Variants in CD70 observed in about 807,000 individuals in gnomAD.
CD70 encodes CD70 antigen.
Under a neutral mutation model 9.0 loss-of-function variants are expected in CD70, and 6 were observed. That is an observed-to-expected ratio of 0.67 (90% CI 0.37 to 1.32). The LOEUF (loss-of-function observed/expected upper bound fraction) is 1.32, where lower values mean the gene tolerates loss of function less well. Among genes scored for constraint, CD70 ranks in the 40% most tolerant of loss-of-function variants. The probability of loss-of-function intolerance (pLI) is 0.02; values close to 1 mark genes in which losing one functional copy is unlikely to be tolerated. For missense variants in CD70, 235 were observed against 258.7 expected (o/e 0.91, Z 0.63); for synonymous variants, 108 against 112.3 (o/e 0.96, Z 0.24).
rs1916138239 is a variant in CD70, at chr19:6,590,715, C to T, written c.162+126G>A. On this transcript the variant is annotated intron_variant, in intron 1 of 2. Transcript: ENST00000245903. This position sits in a 1 kb window ranked among gnomAD's most constrained non-coding sequence, Gnocchi z 5.3. ...GGCAGCCTGGTCCCCGCCTCGCCTCCCTGTTCTGGTCTCTGTCTCTGCCCT... is the reference window on the plus strand; with the variant it reads ...GGCAGCCTGGTCCCCGCCTCGCCTCTCTGTTCTGGTCTCTGTCTCTGCCCT... 1.1e-6 allele frequency: 1 copy of T among 880,340 alleles called. No homozygotes were observed. Among genetic ancestry groups the T allele is most frequent in the East Asian group, 2.6e-5 (1 of 38,274 alleles). 54.5% of individuals were successfully genotyped at this position (880,340 alleles called of 1,614,324 possible). A position where few individuals can be genotyped will look rare whatever the true frequency, so the allele number is the denominator to read the frequency against.
At chr19:6,589,822 GTTTC>G (rs966761951) in intron 2 of CD70, among the ~76,000 whole-genome samples, 10 of 117,480 alleles carry the variant, frequency 8.5e-5, no homozygotes, top group Non-Finnish European at 1.8e-5. Context: ...GTCTCTCCCT[GTTTC>G]TTTCTTTCCC....
At chr19:6,586,433 A>C in intron 2 of CD70, 28 bp from the exon 3 acceptor site, 1 of 1,572,138 alleles carries the variant, frequency 6.4e-7, no homozygotes, top group African/African-American at 1.4e-5. Flanking sequence ...GAGGGATGAG[A>C]GGATGGAGGT....
At chr19:6,589,716 CTCTA>C (rs1250251075) in intron 2 of CD70, among the ~76,000 whole-genome samples, 11 of 151,712 alleles carry the variant, frequency 7.3e-5, no homozygotes, top group East Asian at 2.0e-4. Context: ...TTCTCTCTTC[CTCTA>C]TCTGTCTTTT....
chr19:6,585,205 A>C (rs1915990523), downstream of CD70, among the ~76,000 whole-genome samples: 1 of 152,038 alleles, frequency 6.6e-6, no homozygotes, highest in Admixed American at 6.6e-5. Flanking sequence ...GCTGGTCTCG[A>C]ACTCCTGATT....
downstream of CD70, among the ~76,000 whole-genome samples, chr19:6,583,020 G>T (rs889924256): frequency 1.3e-5 from 2 of 152,134 alleles, no homozygotes; most frequent in Admixed American, 6.6e-5. Flanking sequence ...TCCAGGTAAG[G>T]TTGGAGAGGG....
downstream of CD70, among the ~76,000 whole-genome samples, chr19:6,581,708 T>C (rs1915921052): frequency 1.3e-5 from 2 of 152,162 alleles, no homozygotes; most frequent in South Asian, 4.1e-4. Context: ...GGTAGATTAA[T>C]GTAAGTTAGT....
chr19:6,586,508 C>T, intron 2 of CD70, 103 bp from the exon 3 acceptor site: 1 of 1,281,910 alleles, frequency 7.8e-7, no homozygotes, highest in Non-Finnish European at 1.1e-6. Flanking sequence ...AGTTAGAGAT[C>T]AAGGAATAGG....
chr19:6,582,527 C>T (rs1915939904), downstream of CD70, among the ~76,000 whole-genome samples: 1 of 148,272 alleles, frequency 6.7e-6, no homozygotes, highest in Non-Finnish European at 1.5e-5. Context: ...CCACACTCCA[C>T]GACAGGCCCC....
At chr19:6,582,133 G>A (rs1014276553), downstream of CD70, among the ~76,000 whole-genome samples, 1 of 151,308 alleles carries the variant, frequency 6.6e-6, no homozygotes, top group African/African-American at 2.4e-5. Context: ...GGGTTAAAGC[G>A]ATTCTCCTGC....
At chr19:6,589,991 G>T in intron 2 of CD70, 112 bp downstream of exon 2, 4 of 580,906 alleles carry the variant, frequency 6.9e-6, no homozygotes, top group South Asian at 3.5e-5. Flanking sequence ...CTCTCCCTCC[G>T]TCTCTGTCTG....
chr19:6,582,699 G>GT (rs1233344441), downstream of CD70, among the ~76,000 whole-genome samples: 1 of 152,094 alleles, frequency 6.6e-6, no homozygotes, highest in Non-Finnish European at 1.5e-5. Context: ...GAACTCATCC[G>GT]TTTTTATGGC....
In CD70 at chr19:6,586,371, C is replaced by G. The variant is rs771242380; in HGVS notation, c.231G>C (p.Gly77=). 10 of 1,612,042 alleles carry G rather than the reference C, an allele frequency of 6.2e-6. No individual in the cohort carries two copies. The highest frequency in any genetic ancestry group is 3.9e-4 in the Middle Eastern group (2 of 5,122). The change falls in exon 3 of 3, where the codon GGG becomes GGC. Residue 77 remains glycine, a synonymous_variant. Coordinates refer to ENST00000245903, the MANE Select transcript of CD70 (RefSeq NM_001252.5). ...GGAAGGAGCGGCCCAGTGCTGGGCC[C>G]CCCTGCCAGTATAGCCTGGGGTCCT... ...PQQDPRLYWQ[G]GPALGRSFLH...
chr19:6,583,459 G>A, downstream of CD70: 1 of 648,102 alleles, frequency 1.5e-6, no homozygotes. Flanking sequence ...TGAGTCCCCA[G>A]TTCCAAAATC....
In CD70 at chr19:6,590,276, TTTTA is replaced by T. The variant is rs906621394; in HGVS notation, c.163-144_163-141del. 3.6e-5 allele frequency: 24 copies of T among 659,920 alleles called. No individual in the cohort carries two copies. The highest frequency in any genetic ancestry group is 6.0e-5 in the Non-Finnish European group (22 of 365,966). The allele number at this position is 659,920 out of a possible 1,614,324, so 40.9% of individuals were successfully genotyped here. A position where few individuals can be genotyped will look rare whatever the true frequency, so the allele number is the denominator to read the frequency against. Reference sequence around the variant, plus strand: ...GGCGCGCACTGGTGATTTTATTTCATTTTATTTTTTTTTACTCTTAAGACTTCTT... The same window carrying T: ...GGCGCGCACTGGTGATTTTATTTCATTTTTTTTTTACTCTTAAGACTTCTT... On this transcript the variant is annotated intron_variant, in intron 1 of 2. Transcript: ENST00000245903. This position sits in a 1 kb window ranked among gnomAD's most constrained non-coding sequence, Gnocchi z 5.3.
rs748465079 is a variant in CD70 at position 6,586,354 on chromosome 19, C to T, written c.248G>A (p.Arg83His). 6.2e-6 allele frequency: 10 copies of T among 1,612,628 alleles called. No individual in the cohort carries two copies. The highest frequency in any genetic ancestry group is 1.7e-6 in the Non-Finnish European group (2 of 1,179,830). Residue 83 changes from arginine (R) to histidine (H), a missense_variant, in exon 3 of 3, where the codon CGC (arginine) becomes CAC (histidine). Arg to His is a conservative substitution (Grantham distance 29). Transcript: ENST00000245903. ...CAGCTCTGGTCCATGCAGGAAGGAG[C>T]GGCCCAGTGCTGGGCCCCCCTGCCA... ...LYWQGGPALGRSFLHGPELDK... is the reference protein window; with the variant it reads ...LYWQGGPALGHSFLHGPELDK...
At chr19:6,585,768 C>T (rs756271014), downstream of CD70, 4 of 395,732 alleles carry the variant, frequency 1.0e-5, no homozygotes, top group African/African-American at 6.1e-5. Flanking sequence ...TCCACCTCCT[C>T]GGTTCAAGCG....
Position 6,590,026 on chromosome 19 carries a change from C to T in CD70, c.196+77G>A. 1 of 1,196,966 alleles carries T rather than the reference C, an allele frequency of 8.4e-7. No homozygotes were observed. 74.1% of individuals were successfully genotyped at this position (1,196,966 alleles called of 1,614,324 possible). On this transcript the variant is annotated intron_variant, in intron 2 of 2. Transcript: ENST00000245903. The surrounding 1 kb of genome is among the most constrained non-coding windows in gnomAD (Gnocchi z 5.3). ...GTGTCTCTTTCTCTCTGTCTCTCCCCACTTGTCTTTCTACCTCTCCTTCCT... is the reference window on the plus strand; with the variant it reads ...GTGTCTCTTTCTCTCTGTCTCTCCCTACTTGTCTTTCTACCTCTCCTTCCT...
Position 6,590,095 on chromosome 19 carries a change from C to T in CD70, c.196+8G>A. ...CTTCTCCCCGTCCCTCCACGTCCCC[C>T]GTGTTACCTGTGTGATTCAGCTGCA... On this transcript the variant is annotated splice_region_variant and intron_variant, in intron 2 of 2. Coordinates refer to ENST00000245903, the MANE Select transcript of CD70 (RefSeq NM_001252.5). The surrounding 1 kb of genome is among the most constrained non-coding windows in gnomAD (Gnocchi z 5.3). 1 of 1,612,498 alleles carries T rather than the reference C, an allele frequency of 6.2e-7. No homozygotes were observed. Among genetic ancestry groups the T allele is most frequent in the South Asian group, 1.1e-5 (1 of 91,030 alleles).
chr19:6,587,463 C>A (rs908502927), intron 2 of CD70, among the ~76,000 whole-genome samples: 1 of 150,816 alleles, frequency 6.6e-6, no homozygotes, highest in Non-Finnish European at 1.5e-5. Flanking sequence ...CTCGAGAGTG[C>A]ACGGGAGTGA....
Sources: allele counts gnomAD v4.1 joint callset (sites outside exome capture counted in the v4.1 genomes callset), GRCh38; gene constraint gnomAD v4.1.1; non-coding constraint Gnocchi (gnomAD v3.1); transcripts MANE v1.5; gene names NCBI Gene and HGNC (gene_info 2026-07-23, HGNC 2026-07-21).